The following PTGR1 variants were observed in gnomAD, a reference collection of about 807,000 sequenced individuals.
PTGR1 encodes the protein 15-oxoprostaglandin 13-reductase.
In PTGR1, 23 loss-of-function variants were observed where a neutral mutation model predicts 37.7. That is an observed-to-expected ratio of 0.61 (90% CI 0.44 to 0.86). The LOEUF (loss-of-function observed/expected upper bound fraction) is 0.86, where lower values mean the gene tolerates loss of function less well. Ranked by LOEUF, PTGR1 falls within the 40% of genes least tolerant of loss-of-function variation. The pLI is 0.00. For missense variants in PTGR1, 351 were observed against 394.3 expected, an observed-to-expected ratio of 0.89 and a Z score of 0.93; for synonymous variants, 134 against 140.0, an observed-to-expected ratio of 0.96 and a Z score of 0.30.
At chr9:111,594,875 G>C (rs1157359932) in intron 2 of PTGR1, among the ~76,000 whole-genome samples, 2 of 95,620 alleles carry the variant, frequency 2.1e-5, no homozygotes, top group African/African-American at 7.9e-5. Flanking sequence ...TTTTTTTTGA[G>C]ACCTAGTCTT....
chr9:111,597,554 T>C (rs1829820211), intron 1 of PTGR1, 122 bp from the exon 2 acceptor site: 3 of 622,488 alleles, frequency 4.8e-6, no homozygotes, highest in African/African-American at 3.7e-5. Flanking sequence ...CATTATCATA[T>C]CATGCCAACC....
downstream of PTGR1, among the ~76,000 whole-genome samples, chr9:111,561,084 AATATATAT>A (rs368827456): frequency 8.9e-4 from 18 of 20,328 alleles, no homozygotes; most frequent in Non-Finnish European, 1.2e-3. Flanking sequence ...CTCCATCTAA[AATATATAT>A]ATATATATAT....
downstream of PTGR1, among the ~76,000 whole-genome samples, chr9:111,559,974 AATTT>A (rs926946787): frequency 2.6e-5 from 4 of 152,142 alleles, no homozygotes; most frequent in Middle Eastern, 3.2e-3. Context: ...ATTGTACTAC[AATTT>A]ATTTAACCCC....
chr9:111,597,840 A>T (rs1381484443), intron 1 of PTGR1, among the ~76,000 whole-genome samples: 1 of 152,142 alleles, frequency 6.6e-6, no homozygotes, highest in East Asian at 1.9e-4. Context: ...TCTCACATGG[A>T]GTGAATTCTA....
intron 9 of PTGR1, among the ~76,000 whole-genome samples, chr9:111,565,171 TAATC>T (rs1310533120): frequency 6.6e-6 from 1 of 151,732 alleles, no homozygotes; most frequent in Non-Finnish European, 1.5e-5. Context: ...AGGTGGGCCT[TAATC>T]AATATGACTG....
chr9:111,581,456 T>A (rs1829276375), intron 6 of PTGR1, among the ~76,000 whole-genome samples: 1 of 152,166 alleles, frequency 6.6e-6, no homozygotes, highest in South Asian at 2.1e-4. Flanking sequence ...CATTTCCTGG[T>A]GATATTTCTA....
intron 9 of PTGR1, among the ~76,000 whole-genome samples, chr9:111,556,365 A>G (rs1418371119): frequency 2.0e-5 from 3 of 152,206 alleles, no homozygotes; most frequent in African/African-American, 4.8e-5. Flanking sequence ...TGGTGGATCT[A>G]CCATTCTGGG....
At chr9:111,561,462 G>A (rs1828320483), downstream of PTGR1, among the ~76,000 whole-genome samples, 1 of 151,760 alleles carries the variant, frequency 6.6e-6, no homozygotes, top group South Asian at 2.1e-4. Flanking sequence ...TTGCAGATGT[G>A]GGGTATTGTC....
At chr9:111,597,045 C>A (rs1406225613) in intron 2 of PTGR1, among the ~76,000 whole-genome samples, 1 of 151,906 alleles carries the variant, frequency 6.6e-6, no homozygotes, top group Non-Finnish European at 1.5e-5. Context: ...GCTAGAAAGG[C>A]CACATAGATG....
intron 8 of PTGR1, among the ~76,000 whole-genome samples, chr9:111,570,579 G>A (rs969115231): frequency 1.3e-5 from 2 of 151,574 alleles, no homozygotes; most frequent in Non-Finnish European, 2.9e-5. Flanking sequence ...GACCAGCCTG[G>A]CCAACATAGT....
Position 111,562,839 on chromosome 9 carries a change from A to C in PTGR1, c.*282T>G. Reference sequence around the variant, plus strand: ...GTTCAGCTCCCACTTATGAATGAAAACATACAGTGTTTGGAAAATTTTCAC... The same window carrying C: ...GTTCAGCTCCCACTTATGAATGAAACCATACAGTGTTTGGAAAATTTTCAC... On this transcript the variant is annotated 3_prime_UTR_variant, in exon 10 of 10. Coordinates refer to ENST00000407693, the MANE Select transcript of PTGR1 (RefSeq NM_001146108.2). The C allele has an allele frequency of 1.4e-6, 1 of 728,100 alleles. No homozygotes were observed. The highest frequency in any genetic ancestry group is 1.9e-6 in the Non-Finnish European group (1 of 538,600). 45.1% of individuals were successfully genotyped at this position (728,100 alleles called of 1,614,324 possible).
At chr9:111,564,468 G>C (rs1828463847) in intron 9 of PTGR1, among the ~76,000 whole-genome samples, 1 of 151,772 alleles carries the variant, frequency 6.6e-6, no homozygotes, top group Admixed American at 6.6e-5. Flanking sequence ...ACCATGCCCA[G>C]CTAATTTTTT....
chr9:111,598,137 C>T (rs908080891), intron 1 of PTGR1, among the ~76,000 whole-genome samples: 1 of 151,968 alleles, frequency 6.6e-6, no homozygotes, highest in African/African-American at 2.4e-5. Context: ...CCATCGGGTG[C>T]GAATTTTCTT....
At chr9:111,575,408 G>T (rs564060090) in intron 7 of PTGR1, 1 of 152,212 alleles carries the variant, frequency 6.6e-6, no homozygotes, top group Non-Finnish European at 1.5e-5. Flanking sequence ...TCTCTGATCA[G>T]TCCAATAACC....
intron 9 of PTGR1, among the ~76,000 whole-genome samples, chr9:111,555,357 C>A (rs1014281676): frequency 3.3e-5 from 5 of 152,170 alleles, no homozygotes; most frequent in African/African-American, 7.2e-5. Flanking sequence ...TTTCTCCCTA[C>A]TTCCAGAAAA....
intron 8 of PTGR1, among the ~76,000 whole-genome samples, chr9:111,573,355 T>TCACAACCTGAGAGGGAATCTA (rs1828913563): frequency 6.6e-6 from 1 of 152,186 alleles, no homozygotes; most frequent in African/African-American, 2.4e-5. Flanking sequence ...TTTTGATTTT[T>TCACAACCTGAGAGGGAATCTA]CACAACCTGA....
chr9:111,557,914 C>T (rs966393226), downstream of PTGR1, among the ~76,000 whole-genome samples: 7 of 151,818 alleles, frequency 4.6e-5, no homozygotes, highest in African/African-American at 1.7e-4. Context: ...TTTGGGAGGC[C>T]AAGGCAGGCA....
At chr9:111,567,999 A>G (rs1296513264) in intron 9 of PTGR1, among the ~76,000 whole-genome samples, 7 of 152,222 alleles carry the variant, frequency 4.6e-5, no homozygotes, top group African/African-American at 1.7e-4. Context: ...TCACCTCAGG[A>G]CCACTGTGAT....
At chr9:111,579,938 C>T (rs1170160560) in intron 6 of PTGR1, among the ~76,000 whole-genome samples, 1 of 152,132 alleles carries the variant, frequency 6.6e-6, no homozygotes, top group Non-Finnish European at 1.5e-5. Context: ...AGAATATGTG[C>T]CACTGTGCAT....
Sources: gnomAD v4.1 joint callset for allele counts (sites outside exome capture counted in the v4.1 genomes callset) on GRCh38, gnomAD v4.1.1 for gene constraint, MANE v1.5 for transcripts, NCBI Gene and HGNC (gene_info 2026-07-23, HGNC 2026-07-21) for gene names.